Variants in ZNF846 observed in about 807,000 individuals in gnomAD.
The protein encoded by ZNF846 is zinc finger protein 420 pseudogene.
Under a neutral mutation model 16.0 loss-of-function variants are expected in ZNF846, and 15 were observed. That is an observed-to-expected ratio of 0.94 (90% CI 0.63 to 1.45). The LOEUF is 1.45. Among genes scored for constraint, ZNF846 ranks in the 40% most tolerant of loss-of-function variants. ZNF846 has a pLI of 0.00. For missense variants in ZNF846, 714 were observed against 622.3 expected (o/e 1.15, Z -1.57); for synonymous variants, 229 against 212.0 (o/e 1.08, Z -0.70).
At chr19:9,775,141 G>T (rs1055329610) in intron 1 of ZNF846, among the ~76,000 whole-genome samples, 3 of 151,428 alleles carry the variant, frequency 2.0e-5, no homozygotes, top group Non-Finnish European at 1.5e-5. Flanking sequence ...TGTAAAGAAA[G>T]GATTAAAATC....
At chr19:9,757,558 C>T in exon 6 of ZNF846, 1 of 1,613,152 alleles carries the variant, frequency 6.2e-7, no homozygotes, top group Non-Finnish European at 8.5e-7. Context: ...TTCTTACATT[C>T]ATATGGTTTT....
Position 9,774,594 on chromosome 19 carries a change from T to C in ZNF846, c.-85-9559A>G, listed in dbSNP as rs182020627. 185 of 1,512,660 alleles carry C rather than the reference T, an allele frequency of 1.2e-4. 1 individual carries two copies. The highest frequency in any genetic ancestry group is 9.9e-4 in the Middle Eastern group (5 of 5,074). The allele number at this position is 1,512,660 out of a possible 1,614,324, so 93.7% of individuals were successfully genotyped here. A position where few individuals can be genotyped will look rare whatever the true frequency, so the allele number is the denominator to read the frequency against. ...ATCCAGGTTGATGAAGCTAATTTATTGACTTAGCAAGGGCTTATTGTTCCT... is the reference window on the plus strand; with the variant it reads ...ATCCAGGTTGATGAAGCTAATTTATCGACTTAGCAAGGGCTTATTGTTCCT... On this transcript the variant is annotated intron_variant, in intron 1 of 4. Transcript: ENST00000586814.
At chr19:9,782,392 G>A (rs1008775888) in intron 1 of ZNF846, among the ~76,000 whole-genome samples, 4 of 152,052 alleles carry the variant, frequency 2.6e-5, no homozygotes, top group Non-Finnish European at 1.5e-5. Flanking sequence ...AGCCTCCCAC[G>A]TAGCTGGAAC....
At chr19:9,758,547 T>G in exon 6 of ZNF846, 3 of 1,613,056 alleles carry the variant, frequency 1.9e-6, no homozygotes, top group Middle Eastern at 1.7e-4. Flanking sequence ...GTTGAAGGCT[T>G]TTTCATGTTT....
At chr19:9,775,561 A>T (rs1262340872) in intron 1 of ZNF846, among the ~76,000 whole-genome samples, 4 of 152,238 alleles carry the variant, frequency 2.6e-5, no homozygotes, top group Non-Finnish European at 5.9e-5. Flanking sequence ...AGCCATCTGG[A>T]AAAAGACAAA....
downstream of ZNF846, among the ~76,000 whole-genome samples, chr19:9,749,946 T>TC (rs1001559487): frequency 1.3e-5 from 2 of 151,620 alleles, no homozygotes; most frequent in Non-Finnish European, 2.9e-5. Flanking sequence ...TCAATTCCAC[T>TC]CCCCCCCATA....
intron 4 of ZNF846, 30 bp downstream of exon 4, chr19:9,762,052 C>T: frequency 3.1e-6 from 5 of 1,589,582 alleles, no homozygotes; most frequent in Non-Finnish European, 4.3e-6. Flanking sequence ...CACAGCAGTG[C>T]CATAATACCA....
intron 4 of ZNF846, 152 bp from the exon 5 acceptor site, chr19:9,760,094 C>T: frequency 3.6e-6 from 2 of 558,228 alleles, no homozygotes; most frequent in Middle Eastern, 1.0e-3. Flanking sequence ...GAGTTCAAGA[C>T]CAGCCTGGCC....
chr19:9,753,071 G>A (rs2045099896), downstream of ZNF846, among the ~76,000 whole-genome samples: 1 of 151,470 alleles, frequency 6.6e-6, no homozygotes, highest in Non-Finnish European at 1.5e-5. Flanking sequence ...CAGTAGAAGT[G>A]GCATGAAATA....
upstream of ZNF846, among the ~76,000 whole-genome samples, chr19:9,769,646 C>T (rs1360692221): frequency 1.3e-5 from 2 of 151,988 alleles, no homozygotes; most frequent in Non-Finnish European, 2.9e-5. Flanking sequence ...CGCTTGAGCC[C>T]AGGAGTTCGA....
downstream of ZNF846, chr19:9,756,345 G>GTGTATATATATATATATA (rs1321690890): frequency 1.1e-4 from 9 of 81,754 alleles, no homozygotes; most frequent in South Asian, 4.7e-4. Flanking sequence ...GTGTGTGTGT[G>GTGTATATATATATATATA]TATATATATA....
chr19:9,754,589 C>CAAAAAAAAAAAAAAAAAAAA (rs1203086590), downstream of ZNF846, among the ~76,000 whole-genome samples: 16 of 104,018 alleles, frequency 1.5e-4, no homozygotes, highest in African/African-American at 4.0e-4. Flanking sequence ...AAAAAAAAAG[C>CAAAAAAAAAAAAAAAAAAAA]AAAGGGCAAC....
At chr19:9,776,291 C>T (rs759165081) in intron 1 of ZNF846, among the ~76,000 whole-genome samples, 1 of 152,196 alleles carries the variant, frequency 6.6e-6, no homozygotes, top group Non-Finnish European at 1.5e-5. Context: ...TATCTGGAGG[C>T]CCAACCGTCT....
intron 5 of ZNF846, 45 bp from the exon 6 acceptor site, chr19:9,758,809 A>T (rs1176537234): frequency 7.0e-7 from 1 of 1,430,948 alleles, no homozygotes; most frequent in East Asian, 2.3e-5. Flanking sequence ...CACATTCAGT[A>T]TGGTAACAGA....
chr19:9,767,258 C>A (rs1393087738), intron 1 of ZNF846, among the ~76,000 whole-genome samples: 2 of 152,106 alleles, frequency 1.3e-5, no homozygotes, highest in East Asian at 3.9e-4. Flanking sequence ...GCCTCAGCCT[C>A]CCGAGTAGCT....
upstream of ZNF846, among the ~76,000 whole-genome samples, chr19:9,771,957 G>C (rs1044692476): frequency 6.6e-6 from 1 of 151,768 alleles, no homozygotes; most frequent in Admixed American, 6.6e-5. Context: ...TAGTAGAGAC[G>C]AGGTTTCACC....
rs145587964 is a variant in ZNF846, at chr19:9,761,500, C to T, written c.229+582G>A. On this transcript the variant is annotated intron_variant, in intron 4 of 5. Transcript: ENST00000397902. ...GGCTGAGGCAGGTGAATCACAAGGT[C>T]AGGAGTTCGAGAACAGCCTGGCCAA... Among the ~76,000 whole-genome samples, 214 of 152,148 alleles carry T rather than the reference C, an allele frequency of 1.4e-3. 3 individuals are homozygous for T. Among genetic ancestry groups the T allele is most frequent in the Middle Eastern group, 0.01 (3 of 294 alleles).
At position 9,767,129 on chromosome 19, in the gene ZNF846, G is replaced by GA. The variant is rs2045328916; in HGVS notation, c.-86+1159_-86+1160insT. Reference sequence around the variant, plus strand: ...GGGGTGAGCCACTGTGCCCGGCCTAGTTTTATTTATTTATTTATTTATTTA... The same window carrying GA: ...GGGGTGAGCCACTGTGCCCGGCCTAGATTTTATTTATTTATTTATTTATTTA... On this transcript the variant is annotated intron_variant, in intron 1 of 5. Coordinates refer to ENST00000397902, the Ensembl canonical transcript of ZNF846. 3.3e-5 allele frequency among the ~76,000 whole-genome samples: 5 copies of GA among 151,476 alleles called. No individual in the cohort carries two copies. In the South Asian group the frequency reaches 1.0e-3, roughly 32 times the overall value.
At chr19:9,779,356 C>T (rs1481042639) in intron 1 of ZNF846, among the ~76,000 whole-genome samples, 5 of 152,078 alleles carry the variant, frequency 3.3e-5, no homozygotes, top group Admixed American at 3.3e-4. Flanking sequence ...GCAACCTCCG[C>T]CTCCCGGGTT....
Sources: gnomAD v4.1 joint callset for allele counts (sites outside exome capture counted in the v4.1 genomes callset) on GRCh38, gnomAD v4.1.1 for gene constraint, MANE v1.5 for transcripts, NCBI Gene and HGNC (gene_info 2026-07-23, HGNC 2026-07-21) for gene names.